The following RAB5A variants were observed in gnomAD, a reference collection of about 807,000 sequenced individuals.
The protein encoded by RAB5A is RAB5A, member RAS oncogene family.
RAB5A carries 8 observed loss-of-function variants against 25.7 expected under a neutral mutation model. The observed-to-expected ratio is 0.31, with a 90% CI of 0.18 to 0.56. The LOEUF is 0.56. Among genes scored for constraint, RAB5A ranks in the 20% least tolerant of loss-of-function variants. RAB5A has a pLI of 0.91. For missense variants in RAB5A, 192 were observed against 259.7 expected (o/e 0.74, Z 1.79); for synonymous variants, 98 against 89.8 (o/e 1.09, Z -0.52).
rs1227048864 is a variant in RAB5A at position 19,983,770 on chromosome 3, G to A, written c.595G>A (p.Val199Ile). The change falls in exon 6 of 6, where the codon GTA becomes ATA. Residue 199 changes from valine to isoleucine, a missense_variant. Val to Ile is a conservative substitution (Grantham distance 29, BLOSUM62 3). This residue lies in a region of RAB5A where 121 missense variants were observed against 135.7 expected (regional missense o/e 0.89). Coordinates refer to ENST00000273047, the MANE Select transcript of RAB5A (RefSeq NM_004162.5). The part of the protein sequence containing the change: ...PGANSARGRG[V>I]DLTEPTQPTR... ...AGCAAATTCTGCCAGAGGAAGAGGA[G>A]TAGACCTTACCGAACCCACACAACC... The A allele has an allele frequency of 6.2e-7, 1 of 1,612,638 alleles. No individual in the cohort carries two copies. Among genetic ancestry groups the A allele is most frequent in the South Asian group, 1.1e-5 (1 of 90,936 alleles).
chr3:19,962,344 C>T lies in RAB5A; in HGVS notation c.163+11283C>T, dbSNP rs567819787. ...CAGCACTTTGGGAGACTGAGGTGGG[C>T]AGATCACGAGGACAGGAGTTCGAGA... is the stretch of plus-strand genomic sequence containing the variant. On this transcript the variant is annotated intron_variant, in intron 2 of 5. Coordinates refer to ENST00000273047, the MANE Select transcript of RAB5A (RefSeq NM_004162.5). 6.3e-4 allele frequency among the ~76,000 whole-genome samples: 96 copies of T among 152,190 alleles called. No individual in the cohort carries two copies. In the Middle Eastern group the frequency reaches 0.017, roughly 27 times the overall value.
At chr3:19,949,307 A>G (rs183599442) in intron 1 of RAB5A, among the ~76,000 whole-genome samples, 3 of 152,236 alleles carry the variant, frequency 2.0e-5, no homozygotes, top group Admixed American at 6.5e-5. Context: ...CTTAAGAACT[A>G]AGATCTCGTG....
intron 2 of RAB5A, among the ~76,000 whole-genome samples, chr3:19,964,771 C>G (rs969522302): frequency 3.3e-5 from 5 of 152,138 alleles, no homozygotes; most frequent in Admixed American, 6.5e-5. Context: ...GTCACCACGT[C>G]TGGCTTATTT....
chr3:19,968,569 A>G (rs1559489937), intron 2 of RAB5A, among the ~76,000 whole-genome samples: 2 of 152,046 alleles, frequency 1.3e-5, no homozygotes, highest in East Asian at 1.9e-4. Context: ...AGGTATTCTT[A>G]TGCCTCAGCC....
chr3:19,975,783 A>T (rs752970082), intron 3 of RAB5A, 31 bp downstream of exon 3: 4 of 1,569,296 alleles, frequency 2.5e-6, no homozygotes, highest in Non-Finnish European at 3.5e-6. Flanking sequence ...CAGTAAAACT[A>T]ATTTGAGTAC....
chr3:19,976,860 A>C (rs1696832306), intron 4 of RAB5A, among the ~76,000 whole-genome samples: 1 of 152,128 alleles, frequency 6.6e-6, no homozygotes, highest in African/African-American at 2.4e-5. Context: ...GCAAACACTT[A>C]TGTGGTTGTT....
chr3:19,976,418 G>A (rs896185922), intron 4 of RAB5A, among the ~76,000 whole-genome samples: 1 of 152,192 alleles, frequency 6.6e-6, no homozygotes, highest in Non-Finnish European at 1.5e-5. Context: ...GGGTTCAGTG[G>A]CTCACGCCTG....
Position 19,983,931 on chromosome 3 carries a change from T to A in RAB5A, c.*108T>A, listed in dbSNP as rs3736124. 1.3e-6 allele frequency: 1 copy of A among 744,056 alleles called. No homozygotes were observed. The highest frequency in any genetic ancestry group is 2.7e-5 in the East Asian group (1 of 36,682). The allele number at this position is 744,056 out of a possible 1,614,324, so 46.1% of individuals were successfully genotyped here. On this transcript the variant is annotated 3_prime_UTR_variant, in exon 6 of 6. Coordinates refer to ENST00000273047, the MANE Select transcript of RAB5A (RefSeq NM_004162.5). ...TATGACTTCCAAAAGAAGAGACTTA[T>A]GATAGAGTCAAGTTTCTAATACAGA...
chr3:19,964,606 A>C (rs969619440), intron 2 of RAB5A, among the ~76,000 whole-genome samples: 8 of 152,166 alleles, frequency 5.3e-5, no homozygotes, highest in Non-Finnish European at 1.2e-4. Context: ...AATACTAACA[A>C]ACTCCTAAGA....
chr3:19,950,000 T>C (rs927395359), intron 1 of RAB5A, among the ~76,000 whole-genome samples: 3 of 152,202 alleles, frequency 2.0e-5, no homozygotes, highest in Non-Finnish European at 4.4e-5. Flanking sequence ...ACCACGCCAC[T>C]GCACTCCAGC....
chr3:19,978,524 T>C (rs1696862832), intron 5 of RAB5A, 121 bp downstream of exon 5: 2 of 644,300 alleles, frequency 3.1e-6, no homozygotes, highest in Non-Finnish European at 5.6e-6. Flanking sequence ...TGTTTATGTG[T>C]GTGTGTGAGA....
intron 2 of RAB5A, among the ~76,000 whole-genome samples, chr3:19,973,308 T>C (rs900046346): frequency 5.9e-5 from 9 of 152,148 alleles, no homozygotes; most frequent in Non-Finnish European, 1.2e-4. Context: ...TATAAGTGAA[T>C]GTTTTTAGTA....
chr3:19,954,359 G>C (rs1696468256), intron 2 of RAB5A, among the ~76,000 whole-genome samples: 1 of 152,142 alleles, frequency 6.6e-6, no homozygotes, highest in Non-Finnish European at 1.5e-5. Flanking sequence ...CTCCTAACAT[G>C]AGTTATTGTT....
At position 19,950,798 on chromosome 3, in the gene RAB5A, C is replaced by G. The variant is rs1317182257; in HGVS notation, c.-93-8C>G. On this transcript the variant is annotated splice_polypyrimidine_tract_variant and splice_region_variant and intron_variant, in intron 1 of 5. Transcript: ENST00000273047. ...TTGTATATTTAATTCATAATTGTTT[C>G]TTTACAGGTTTCTTTACCTCCAGAA... 1.7e-6 allele frequency: 2 copies of G among 1,171,302 alleles called. No homozygotes were observed. Among genetic ancestry groups the G allele is most frequent in the African/African-American group, 3.1e-5 (2 of 64,358 alleles). 72.6% of individuals were successfully genotyped at this position (1,171,302 alleles called of 1,614,324 possible). A position where few individuals can be genotyped will look rare whatever the true frequency, so the allele number is the denominator to read the frequency against.
chr3:19,980,917 A>C (rs748821342), intron 5 of RAB5A, among the ~76,000 whole-genome samples: 1 of 152,202 alleles, frequency 6.6e-6, no homozygotes, highest in Non-Finnish European at 1.5e-5. Context: ...GCTGATGTAG[A>C]ATGGAATGTG....
intron 2 of RAB5A, among the ~76,000 whole-genome samples, chr3:19,970,894 T>C (rs1696739868): frequency 6.6e-6 from 1 of 152,120 alleles, no homozygotes. Flanking sequence ...ATAGGGGAAA[T>C]TAAACACTGT....
rs533237630 is a variant in RAB5A at position 19,973,745 on chromosome 3, G to C, written c.164-1856G>C. On this transcript the variant is annotated intron_variant, in intron 2 of 5. Transcript: ENST00000273047. ...TCCAAATGAAGATGTTTACAGTATTGTTTGCAAAATTCAGAAGATTTTAGT... is the reference window on the plus strand; with the variant it reads ...TCCAAATGAAGATGTTTACAGTATTCTTTGCAAAATTCAGAAGATTTTAGT... Among the ~76,000 whole-genome samples, 6 of 152,262 alleles carry C rather than the reference G, an allele frequency of 3.9e-5. No individual in the cohort carries two copies. The East Asian group carries it at 1.2e-3, about 29-fold the overall frequency.
intron 1 of RAB5A, among the ~76,000 whole-genome samples, chr3:19,949,706 C>T (rs1428877584): frequency 6.6e-6 from 1 of 152,138 alleles, no homozygotes; most frequent in Admixed American, 6.5e-5. Context: ...GCATAGAAGT[C>T]GCCATTCAGG....
chr3:19,972,858 G>A lies in RAB5A; in HGVS notation c.164-2743G>A, dbSNP rs73819079. ...GTGTCTTTAACTGGCTTGAGAATTG[G>A]ATCATATTTTCTTTAAGGCAACATC... is the stretch of plus-strand genomic sequence containing the variant. On this transcript the variant is annotated intron_variant, in intron 2 of 5. Transcript: ENST00000273047. Among the ~76,000 whole-genome samples the A allele has an allele frequency of 3.7e-3, 561 of 152,168 alleles. 7 individuals are homozygous for A. Among genetic ancestry groups the A allele is most frequent in the African/African-American group, 0.013 (531 of 41,516 alleles).
Sources: gnomAD v4.1 joint callset for allele counts (sites outside exome capture counted in the v4.1 genomes callset) on GRCh38, gnomAD v4.1.1 for gene constraint, gnomAD v4.1.1 regional missense constraint, MANE v1.5 for transcripts, NCBI Gene and HGNC (gene_info 2026-07-23, HGNC 2026-07-21) for gene names.